Variants in GLIS1 observed in about 807,000 individuals in gnomAD.
The protein encoded by GLIS1 is GLIS family zinc finger 1.
Under a neutral mutation model 63.8 loss-of-function variants are expected in GLIS1, and 24 were observed. That is an observed-to-expected ratio of 0.38 (90% CI 0.27 to 0.53). The LOEUF is 0.53. Among genes scored for constraint, GLIS1 ranks in the 20% least tolerant of loss-of-function variants. The probability of loss-of-function intolerance (pLI) is 0.85; values close to 1 mark genes in which losing one functional copy is unlikely to be tolerated. For missense variants in GLIS1, 1,036 were observed against 1,074.1 expected (o/e 0.96, Z 0.50); for synonymous variants, 450 against 482.5 (o/e 0.93, Z 0.88).
intron 2 of GLIS1, among the ~76,000 whole-genome samples, chr1:53,710,467 A>G (rs1646635205): frequency 6.6e-6 from 1 of 152,264 alleles, no homozygotes; most frequent in South Asian, 2.1e-4. Context: ...AAAGAGGTGA[A>G]GGGACTTGCC....
intron 4 of GLIS1, among the ~76,000 whole-genome samples, chr1:53,535,797 C>T (rs774018003): frequency 3.3e-5 from 5 of 152,030 alleles, no homozygotes; most frequent in African/African-American, 4.8e-5. Flanking sequence ...GACTTAAGCC[C>T]ATAGCTCTGT....
chr1:53,556,718 T>C (rs566768471), intron 4 of GLIS1, among the ~76,000 whole-genome samples: 23 of 150,620 alleles, frequency 1.5e-4, no homozygotes, highest in African/African-American at 5.6e-4. Context: ...TGCAGATGTT[T>C]GTGTGCAGGT....
intron 2 of GLIS1, among the ~76,000 whole-genome samples, chr1:53,652,555 C>T (rs1447320173): frequency 2.0e-5 from 3 of 152,182 alleles, no homozygotes; most frequent in Admixed American, 2.0e-4. Flanking sequence ...GCCCTATGAC[C>T]ATGAGCCCCT....
chr1:53,579,671 C>G (rs921889535), intron 4 of GLIS1, among the ~76,000 whole-genome samples: 2 of 152,258 alleles, frequency 1.3e-5, no homozygotes, highest in African/African-American at 4.8e-5. Flanking sequence ...TTGTCTTCCC[C>G]CAGTACGCAA....
chr1:53,586,850 T>TA (rs1444902383), intron 4 of GLIS1, among the ~76,000 whole-genome samples: 5 of 152,238 alleles, frequency 3.3e-5, no homozygotes, highest in African/African-American at 1.2e-4. Flanking sequence ...AGAGAACAGA[T>TA]AATCACAGGG....
At chr1:53,690,658 T>C (rs1646393783) in intron 2 of GLIS1, among the ~76,000 whole-genome samples, 1 of 152,154 alleles carries the variant, frequency 6.6e-6, no homozygotes, top group African/African-American at 2.4e-5. Context: ...AGGGCAGCGA[T>C]GATTAACCCC....
intron 2 of GLIS1, among the ~76,000 whole-genome samples, chr1:53,638,337 C>G (rs766624882): frequency 6.6e-6 from 1 of 152,208 alleles, no homozygotes; most frequent in East Asian, 1.9e-4. Context: ...AGCAACCACA[C>G]GGGTGTTGCC....
At chr1:53,725,625 C>G (rs1464974199) in intron 2 of GLIS1, among the ~76,000 whole-genome samples, 1 of 152,222 alleles carries the variant, frequency 6.6e-6, no homozygotes, top group Non-Finnish European at 1.5e-5. Flanking sequence ...GAGGCAAGGG[C>G]TCCATCTGTT....
At chr1:53,542,336 C>T (rs570958595) in intron 4 of GLIS1, among the ~76,000 whole-genome samples, 14 of 152,254 alleles carry the variant, frequency 9.2e-5, no homozygotes, top group Admixed American at 1.3e-4. Flanking sequence ...GCCGCAGGGC[C>T]GAATGGAAAG....
intron 2 of GLIS1, among the ~76,000 whole-genome samples, chr1:53,669,372 C>G (rs1646127787): frequency 6.6e-6 from 1 of 152,166 alleles, no homozygotes. Flanking sequence ...ATATCACTAC[C>G]AACACAGGGC....
At chr1:53,544,363 G>A (rs1013947558) in intron 4 of GLIS1, among the ~76,000 whole-genome samples, 2 of 152,160 alleles carry the variant, frequency 1.3e-5, no homozygotes, top group Non-Finnish European at 2.9e-5. Flanking sequence ...GTGCAGTCCG[G>A]CCCCCGGGGC....
At chr1:53,532,105 C>T (rs1644537147) in intron 4 of GLIS1, among the ~76,000 whole-genome samples, 1 of 152,104 alleles carries the variant, frequency 6.6e-6, no homozygotes, top group South Asian at 2.1e-4. Flanking sequence ...AAATGCTGGG[C>T]CAGTGAGCCT....
At chr1:53,521,275 T>C (rs908063792) in intron 6 of GLIS1, among the ~76,000 whole-genome samples, 1 of 14,310 alleles carries the variant, frequency 7.0e-5, no homozygotes, top group Non-Finnish European at 8.1e-4. Flanking sequence ...GTGCGTTCTG[T>C]GCAGCCGCAC....
At chr1:53,660,753 G>A (rs1646018395) in intron 2 of GLIS1, among the ~76,000 whole-genome samples, 1 of 152,188 alleles carries the variant, frequency 6.6e-6, no homozygotes, top group Non-Finnish European at 1.5e-5. Flanking sequence ...CTATCTGGCT[G>A]GATGGGGGCT....
In GLIS1 at chr1:53,524,826, C is replaced by T. The variant is rs754472609; in HGVS notation, c.1544G>A (p.Arg515His). 6.2e-6 allele frequency: 10 copies of T among 1,611,680 alleles called. No homozygotes were observed. Among genetic ancestry groups the T allele is most frequent in the East Asian group, 2.2e-5 (1 of 44,882 alleles). Reference protein sequence around the residue: ...SKRYTDPSSLRKHVKAHSAKE... With the variant: ...SKRYTDPSSLHKHVKAHSAKE... ...GGCTGAATGGGCCTTGACGTGCTTG[C>T]GGAGGGAGCTGGGGTCTGTGTAGCG... The change falls in exon 6 of 11, where the codon CGC becomes CAC. Residue 515 changes from arginine (R) to histidine (H), a missense_variant. By Grantham distance (29) the Arg-to-His change is conservative (BLOSUM62 0). This residue lies in a region of GLIS1 where 400 missense variants were observed against 400.9 expected (regional missense o/e 1.00). Coordinates refer to ENST00000628545, the MANE Select transcript of GLIS1 (RefSeq NM_001367484.1).
intron 3 of GLIS1, among the ~76,000 whole-genome samples, chr1:53,595,508 C>CA (rs1014646451): frequency 1.6e-4 from 24 of 152,096 alleles, no homozygotes; most frequent in Non-Finnish European, 2.5e-4. Context: ...GTGGTGAGAA[C>CA]ACCAGGAAGG....
intron 4 of GLIS1, among the ~76,000 whole-genome samples, chr1:53,575,695 C>T (rs1390944522): frequency 6.6e-6 from 1 of 152,180 alleles, no homozygotes; most frequent in African/African-American, 2.4e-5. Flanking sequence ...GGACATGGAG[C>T]AGGTGCTTGG....
chr1:53,553,975 G>C (rs1003892597), intron 4 of GLIS1, among the ~76,000 whole-genome samples: 1 of 152,166 alleles, frequency 6.6e-6, no homozygotes, highest in Non-Finnish European at 1.5e-5. Context: ...GGCTCCCTAA[G>C]ATGGAGCAGT....
chr1:53,631,097 A>C (rs551025166), intron 2 of GLIS1, among the ~76,000 whole-genome samples: 2 of 152,278 alleles, frequency 1.3e-5, no homozygotes, highest in East Asian at 3.9e-4. Context: ...ATTGCTGTTT[A>C]TAACTTTTTC....
Sources: allele counts gnomAD v4.1 joint callset (sites outside exome capture counted in the v4.1 genomes callset), GRCh38; gene constraint gnomAD v4.1.1; regional missense constraint gnomAD v4.1.1; transcripts MANE v1.5; gene names NCBI Gene and HGNC (gene_info 2026-07-23, HGNC 2026-07-21).